The following DSE variants were observed in gnomAD, a reference collection of about 807,000 sequenced individuals.
The protein encoded by DSE is dermatan sulfate epimerase, also known as dermatan-sulfate epimerase.
Under a neutral mutation model 84.4 loss-of-function variants are expected in DSE, and 36 were observed. The observed-to-expected ratio is 0.43, with a 90% CI of 0.33 to 0.56. DSE has a LOEUF of 0.56. Among genes scored for constraint, DSE ranks in the 20% least tolerant of loss-of-function variants. The pLI, the probability that DSE is intolerant of heterozygous loss-of-function variation, is 0.06. For missense variants in DSE, 862 were observed against 1,169.6 expected, an observed-to-expected ratio of 0.74 and a Z score of 3.84; for synonymous variants, 410 against 430.1, an observed-to-expected ratio of 0.95 and a Z score of 0.58.
At chr6:116,269,812 T>A (rs909632613) in intron 2 of DSE, among the ~76,000 whole-genome samples, 3 of 152,194 alleles carry the variant, frequency 2.0e-5, no homozygotes, top group Non-Finnish European at 2.9e-5. Flanking sequence ...AAAGTCACAT[T>A]TTCTGTGAGG....
At chr6:116,258,020 CTTTTA>C (rs1772218703) in intron 1 of DSE, among the ~76,000 whole-genome samples, 3 of 152,066 alleles carry the variant, frequency 2.0e-5, no homozygotes, top group African/African-American at 7.2e-5. Flanking sequence ...TTATTTTTTA[CTTTTA>C]TTTTATTTTT....
Position 116,332,574 on chromosome 6 carries a change from G to C in DSE, c.-53-66624G>C, listed in dbSNP as rs948863109. Among the ~76,000 whole-genome samples the C allele has an allele frequency of 3.3e-5, 5 of 151,360 alleles. No individual in the cohort carries two copies. The South Asian group carries it at 6.3e-4, about 19-fold the overall frequency. On this transcript the variant is annotated intron_variant, in intron 2 of 3. Coordinates refer to the DSE transcript ENST00000430252. The stretch of plus-strand genomic sequence containing the variant: ...TTAGGATAGTACAGTATTGGGGTAA[G>C]AATAGACAAAAATCAGTGGAACAAA...
upstream of DSE, chr6:116,370,944 C>A (rs1357047507): frequency 1.0e-6 from 1 of 985,290 alleles, no homozygotes; most frequent in South Asian, 4.7e-5. Context: ...CGGCCCGGCT[C>A]TCAGTAGCGT....
intron 2 of DSE, among the ~76,000 whole-genome samples, chr6:116,348,261 A>G (rs1169040201): frequency 2.0e-5 from 3 of 152,100 alleles, no homozygotes; most frequent in Non-Finnish European, 4.4e-5. Context: ...CCCCGTGTCT[A>G]CTAAAAATTA....
At chr6:116,312,998 G>A (rs1190009862) in intron 2 of DSE, among the ~76,000 whole-genome samples, 1 of 152,166 alleles carries the variant, frequency 6.6e-6, no homozygotes, top group Non-Finnish European at 1.5e-5. Context: ...TGTGATCTTA[G>A]TTGGTGATAC....
chr6:116,279,527 G>T lies in DSE; in HGVS notation c.-54+20560G>T, dbSNP rs760591946. On this transcript the variant is annotated intron_variant, in intron 2 of 3. Coordinates refer to the DSE transcript ENST00000430252. ...GCTGCCAGGCCTTCGGCGGGAGGCT[G>T]GCCCTCTTCCTGCCCGGCTTTGATC... is the stretch of plus-strand genomic sequence containing the variant. 4.8e-5 allele frequency: 77 copies of T among 1,607,070 alleles called. 1 individual carries two copies. The South Asian group carries it at 8.5e-4, about 18-fold the overall frequency.
intron 2 of DSE, among the ~76,000 whole-genome samples, chr6:116,343,803 G>C (rs1038479957): frequency 6.6e-6 from 1 of 152,202 alleles, no homozygotes; most frequent in African/African-American, 2.4e-5. Context: ...GTTGAGAAAA[G>C]AAGGCTTCAG....
chr6:116,320,271 C>G (rs536985062), intron 2 of DSE, among the ~76,000 whole-genome samples: 2 of 152,248 alleles, frequency 1.3e-5, no homozygotes, highest in African/African-American at 4.8e-5. Context: ...AAAGGTTACT[C>G]TCAACATCAG....
upstream of DSE, chr6:116,366,849 A>G (rs1419275464): frequency 6.6e-6 from 1 of 152,254 alleles, no homozygotes; most frequent in Non-Finnish European, 1.5e-5. Context: ...GTGAGGATAA[A>G]AGGAGACACG....
chr6:116,348,698 C>T lies in DSE; in HGVS notation c.-53-50500C>T, dbSNP rs535596788. Among the ~76,000 whole-genome samples the T allele has an allele frequency of 1.2e-4, 18 of 152,284 alleles. No homozygotes were observed. The East Asian group carries it at 3.5e-3, about 29-fold the overall frequency. ...CACGTATGTTTATTGCGGCATTATT[C>T]ACGATAGCAAAGACTTGGAACCAAC... On this transcript the variant is annotated intron_variant, in intron 2 of 3. Transcript: ENST00000430252.
chr6:116,264,789 T>C (rs889836173), intron 2 of DSE, among the ~76,000 whole-genome samples: 3 of 152,128 alleles, frequency 2.0e-5, no homozygotes, highest in Admixed American at 2.0e-4. Flanking sequence ...GCATTTGTGG[T>C]GTAAGGTGGA....
At chr6:116,365,601 G>A (rs1411396444), upstream of DSE, among the ~76,000 whole-genome samples, 1 of 152,146 alleles carries the variant, frequency 6.6e-6, no homozygotes, top group African/African-American at 2.4e-5. Flanking sequence ...GCAAAGTTTG[G>A]GAAGCACCAC....
chr6:116,277,814 A>G (rs1461183685), intron 2 of DSE: 1 of 150,540 alleles, frequency 6.6e-6, no homozygotes, highest in Non-Finnish European at 1.5e-5. Context: ...AGGCAGGAGA[A>G]TCGCTTGAAC....
At chr6:116,393,739 AT>A (rs1283457893) in intron 1 of DSE, among the ~76,000 whole-genome samples, 3 of 152,224 alleles carry the variant, frequency 2.0e-5, no homozygotes, top group Non-Finnish European at 4.4e-5. Context: ...AATTTGGCAC[AT>A]ATTATAAGAG....
At chr6:116,433,600 A>AT in intron 5 of DSE, 50 bp downstream of exon 5, 1 of 1,546,346 alleles carries the variant, frequency 6.5e-7, no homozygotes, top group Non-Finnish European at 8.8e-7. Flanking sequence ...CAAGGGTACT[A>AT]TTCATGCTAT....
chr6:116,301,914 C>T (rs570379929), intron 2 of DSE, among the ~76,000 whole-genome samples: 8 of 152,060 alleles, frequency 5.3e-5, no homozygotes, highest in Non-Finnish European at 8.8e-5. Flanking sequence ...TGTTAGTTTG[C>T]GGAGAATGGT....
chr6:116,361,640 A>T (rs1778896431), intron 2 of DSE, among the ~76,000 whole-genome samples: 1 of 152,116 alleles, frequency 6.6e-6, no homozygotes, highest in African/African-American at 2.4e-5. Context: ...TGGGCAACAG[A>T]GCAAGACCCC....
upstream of DSE, chr6:116,370,727 G>C (rs1341986444): frequency 3.7e-6 from 3 of 806,522 alleles, no homozygotes; most frequent in Non-Finnish European, 1.5e-6. Context: ...AGCTGCGAGC[G>C]GCGAGTCCCG....
intron 2 of DSE, among the ~76,000 whole-genome samples, chr6:116,320,004 C>G (rs1776206586): frequency 1.3e-5 from 2 of 152,182 alleles, no homozygotes; most frequent in Admixed American, 1.3e-4. Flanking sequence ...CTCATAGCAC[C>G]TGATGCATTT....
Sources: gnomAD v4.1 joint callset for allele counts (sites outside exome capture counted in the v4.1 genomes callset) on GRCh38, gnomAD v4.1.1 for gene constraint, MANE v1.5 for transcripts, NCBI Gene and HGNC (gene_info 2026-07-23, HGNC 2026-07-21) for gene names.